The following SLC4A10 variants were observed in gnomAD, a reference collection of about 807,000 sequenced individuals.
SLC4A10 encodes sodium-driven chloride bicarbonate exchanger.
In SLC4A10, 42 loss-of-function variants were observed where a neutral mutation model predicts 137.7. The observed-to-expected ratio is 0.30, with a 90% CI of 0.24 to 0.39. SLC4A10 has a LOEUF of 0.39. Ranked by LOEUF, SLC4A10 falls within the 10% of genes least tolerant of loss-of-function variation. SLC4A10 has a pLI of 1.00. For missense variants in SLC4A10, 925 were observed against 1,355.0 expected (o/e 0.68, Z 4.98); for synonymous variants, 474 against 464.1 (o/e 1.02, Z -0.27).
At chr2:161,891,596 A>C (rs956856246) in intron 10 of SLC4A10, among the ~76,000 whole-genome samples, 2 of 151,984 alleles carry the variant, frequency 1.3e-5, no homozygotes, top group Non-Finnish European at 2.9e-5. Flanking sequence ...TCAGCTATCA[A>C]TACTTCTGTA....
At chr2:161,843,689 A>G (rs1029734598) in intron 4 of SLC4A10, among the ~76,000 whole-genome samples, 2 of 152,160 alleles carry the variant, frequency 1.3e-5, no homozygotes, top group Non-Finnish European at 2.9e-5. Flanking sequence ...TCATGACTCC[A>G]TCTGATTTTT....
At chr2:161,789,684 T>C (rs2054007094) in intron 2 of SLC4A10, among the ~76,000 whole-genome samples, 1 of 152,210 alleles carries the variant, frequency 6.6e-6, no homozygotes, top group Admixed American at 6.5e-5. Flanking sequence ...TCATTATGTA[T>C]GACTGTACAT....
intron 10 of SLC4A10, among the ~76,000 whole-genome samples, chr2:161,893,521 C>T (rs2063131875): frequency 6.6e-6 from 1 of 152,032 alleles, no homozygotes; most frequent in Non-Finnish European, 1.5e-5. Context: ...CATAGCAAGA[C>T]TCTGTCTCTA....
chr2:161,795,186 G>T (rs1370363424), intron 2 of SLC4A10, among the ~76,000 whole-genome samples: 1 of 151,938 alleles, frequency 6.6e-6, no homozygotes, highest in Non-Finnish European at 1.5e-5. Flanking sequence ...TTCCTTACAG[G>T]CCTCTCTCCT....
intron 1 of SLC4A10, among the ~76,000 whole-genome samples, chr2:161,761,705 T>C (rs2050270024): frequency 6.6e-6 from 1 of 152,122 alleles, no homozygotes; most frequent in South Asian, 2.1e-4. Context: ...GGAGAGATAG[T>C]ATTCCTTAGG....
At chr2:161,801,590 G>A (rs1049099562) in intron 2 of SLC4A10, among the ~76,000 whole-genome samples, 16 of 152,012 alleles carry the variant, frequency 1.1e-4, no homozygotes, top group African/African-American at 3.4e-4. Flanking sequence ...CCCAACTGAT[G>A]CTAACATTGC....
At chr2:161,723,234 G>T (rs527741990) in intron 1 of SLC4A10, among the ~76,000 whole-genome samples, 2 of 152,274 alleles carry the variant, frequency 1.3e-5, no homozygotes, top group South Asian at 4.1e-4. Context: ...CATGGGAAAA[G>T]TGTGGTTTAC....
In SLC4A10 at chr2:161,687,633, G is replaced by A. The variant is rs560434798; in HGVS notation, c.48+63067G>A. 1.6e-4 allele frequency among the ~76,000 whole-genome samples: 25 copies of A among 152,062 alleles called. No individual in the cohort carries two copies. The South Asian group carries it at 3.9e-3, about 24-fold the overall frequency. On this transcript the variant is annotated intron_variant, in intron 1 of 26. Coordinates refer to ENST00000446997, the MANE Select transcript of SLC4A10 (RefSeq NM_001178015.2). ...ACATTTGTTAAGCAATATTGATATC[G>A]TTTGGCACTGTGTCCCCACCCAAAT...
At chr2:161,944,762 A>G (rs535504704) in intron 16 of SLC4A10, among the ~76,000 whole-genome samples, 1 of 151,708 alleles carries the variant, frequency 6.6e-6, no homozygotes, top group Non-Finnish European at 1.5e-5. Flanking sequence ...AATGAAAACA[A>G]TCTTGTAATT....
intron 2 of SLC4A10, among the ~76,000 whole-genome samples, chr2:161,789,115 A>G (rs1574973863): frequency 6.6e-6 from 1 of 152,212 alleles, no homozygotes; most frequent in Non-Finnish European, 1.5e-5. Flanking sequence ...CCAGTGTGGC[A>G]CCTGCCATCT....
intron 1 of SLC4A10, among the ~76,000 whole-genome samples, chr2:161,737,137 G>C (rs1402317727): frequency 6.6e-6 from 1 of 152,088 alleles, no homozygotes; most frequent in African/African-American, 2.4e-5. Context: ...TTGATCACAA[G>C]TGTGAGCCAC....
rs1700672999 is a variant in SLC4A10, at chr2:161,985,260, C to A, written c.*2108C>A. Reference sequence around the variant, plus strand: ...ATAAATATTTATCCTAACTTCCTTGCACATTTTAAATTGTGATACAAAGTG... The same window carrying A: ...ATAAATATTTATCCTAACTTCCTTGAACATTTTAAATTGTGATACAAAGTG... On this transcript the variant is annotated 3_prime_UTR_variant, in exon 27 of 27. Coordinates refer to ENST00000446997, the MANE Select transcript of SLC4A10 (RefSeq NM_001178015.2). 1 of 152,076 alleles carries A rather than the reference C, an allele frequency of 6.6e-6. No homozygotes were observed. The highest frequency in any genetic ancestry group is 2.4e-5 in the African/African-American group (1 of 41,444). The allele number at this position is 152,076 out of a possible 1,614,324, so 9.4% of individuals were successfully genotyped here. A position where few individuals can be genotyped will look rare whatever the true frequency, so the allele number is the denominator to read the frequency against.
chr2:161,747,163 C>T (rs936903210), intron 1 of SLC4A10, among the ~76,000 whole-genome samples: 1 of 152,080 alleles, frequency 6.6e-6, no homozygotes, highest in African/African-American at 2.4e-5. Flanking sequence ...GCCTAGACTG[C>T]CTTTCCAGTT....
intron 4 of SLC4A10, among the ~76,000 whole-genome samples, chr2:161,852,887 G>A (rs1383438606): frequency 6.6e-6 from 1 of 152,162 alleles, no homozygotes; most frequent in Admixed American, 6.5e-5. Context: ...CTGACCCAGA[G>A]AAGTTAAAAG....
At chr2:161,727,954 A>C (rs1208473706) in intron 1 of SLC4A10, among the ~76,000 whole-genome samples, 1 of 152,222 alleles carries the variant, frequency 6.6e-6, no homozygotes, top group Non-Finnish European at 1.5e-5. Context: ...ATTGCAAAAG[A>C]CTGAGATTAA....
chr2:161,850,141 G>A (rs1457886660), intron 4 of SLC4A10, among the ~76,000 whole-genome samples: 2 of 152,078 alleles, frequency 1.3e-5, no homozygotes, highest in Non-Finnish European at 2.9e-5. Context: ...TCTAATTCCA[G>A]CACTTTGGGA....
rs192682832 is a variant in SLC4A10, at chr2:161,789,491, G to A, written c.131-14958G>A. On this transcript the variant is annotated intron_variant, in intron 2 of 26. Coordinates refer to ENST00000446997, the MANE Select transcript of SLC4A10 (RefSeq NM_001178015.2). ...GTAACTTTGATCTTTCTACAAACTGGCGTCTGACATCTCTAGTCAGCCATC... is the reference window on the plus strand; with the variant it reads ...GTAACTTTGATCTTTCTACAAACTGACGTCTGACATCTCTAGTCAGCCATC... 5.9e-5 allele frequency among the ~76,000 whole-genome samples: 9 copies of A among 151,426 alleles called. No individual in the cohort carries two copies. The East Asian group carries it at 1.7e-3, about 29-fold the overall frequency.
intron 1 of SLC4A10, among the ~76,000 whole-genome samples, chr2:161,686,786 A>G (rs1480122336): frequency 2.6e-5 from 4 of 152,124 alleles, no homozygotes; most frequent in Non-Finnish European, 2.9e-5. Context: ...TTTATTAAGG[A>G]AGTAAAGGTG....
intron 1 of SLC4A10, among the ~76,000 whole-genome samples, chr2:161,753,969 G>T (rs377078369): frequency 6.6e-6 from 1 of 151,418 alleles, no homozygotes; most frequent in South Asian, 2.1e-4. Flanking sequence ...GGCTCACTGC[G>T]ATCTCTGCCT....
Sources: allele counts gnomAD v4.1 joint callset (sites outside exome capture counted in the v4.1 genomes callset), GRCh38; gene constraint gnomAD v4.1.1; transcripts MANE v1.5; gene names NCBI Gene and HGNC (gene_info 2026-07-23, HGNC 2026-07-21).